SPG7: variants seen among roughly 807,000 people sequenced by gnomAD.
SPG7 encodes the protein mitochondrial inner membrane m-AAA protease component paraplegin.
A neutral mutation model predicts 81.9 loss-of-function variants in SPG7; 103 were observed. That is an observed-to-expected ratio of 1.26 (90% CI 1.07 to 1.48). The LOEUF is 1.48. Ranked by LOEUF, SPG7 falls within the 40% of genes most tolerant of loss-of-function variation. The probability of loss-of-function intolerance (pLI) is 0.00; values close to 1 mark genes in which losing one functional copy is unlikely to be tolerated. For synonymous variants in SPG7, 534 were observed against 444.2 expected (o/e 1.20, Z -2.54); for missense variants, 1,241 against 1,087.3 (o/e 1.14, Z -1.99).
intron 3 of SPG7, 96 bp downstream of exon 3, chr16:89,513,133 G>A: frequency 2.0e-6 from 3 of 1,518,856 alleles, no homozygotes; most frequent in Non-Finnish European, 2.7e-6. Context: ...CTGGAAAATG[G>A]GGAGATGGGC....
intron 16 of SPG7, chr16:89,555,971 C>T: frequency 2.5e-6 from 1 of 398,846 alleles, no homozygotes; most frequent in Non-Finnish European, 4.4e-6. Context: ...GTGGGCGGTG[C>T]CGTCCCCGGC....
chr16:89,556,088 A>G (rs6500430), intron 16 of SPG7: 10,423 of 398,788 alleles, frequency 0.026, 967 homozygotes, highest in African/African-American at 0.2. Flanking sequence ...AGCTGCAGGC[A>G]AGGCTTCTCA....
At chr16:89,508,807 G>T (rs1335645038) in intron 1 of SPG7, 2 of 703,010 alleles carry the variant, frequency 2.8e-6, no homozygotes, top group Non-Finnish European at 5.1e-6. Context: ...GAAGAGGCAG[G>T]GCTGGGATCC....
rs770487062 is a variant in SPG7, at chr16:89,510,540, G to T, written c.234G>T (p.Leu78Phe). 2.1e-5 allele frequency: 34 copies of T among 1,585,254 alleles called. No individual in the cohort carries two copies. The Admixed American group carries it at 5.6e-4, about 26-fold the overall frequency. Reference sequence around the variant, plus strand: ...CTACCTTTGAAGGGATCAACGGATTGTTGTTGAAACAACATTTAGTTCAGA... The same window carrying T: ...CTACCTTTGAAGGGATCAACGGATTTTTGTTGAAACAACATTTAGTTCAGA... ...LTPTFEGING[L>F]LLKQHLVQNP... Residue 78 changes from leucine (L) to phenylalanine (F), a missense_variant, in exon 2 of 17, where the codon TTG becomes TTT. Physicochemically the swap from Leu to Phe is conservative, Grantham distance 22. Transcript: ENST00000645818.
intron 9 of SPG7, among the ~76,000 whole-genome samples, chr16:89,534,097 C>T (rs1048096075): frequency 6.6e-6 from 1 of 152,162 alleles, no homozygotes; most frequent in African/African-American, 2.4e-5. Context: ...GTTGAGCAAC[C>T]GCCACCACCA....
Position 89,546,667 on chromosome 16 carries a change from G to C in SPG7, c.1459G>C (p.Glu487Gln). ...CCCCTGGTTCTGGCAGGAGAGGCGGGAGATTTTTGAGCAGCACCTGAAGAG... is the reference window on the plus strand; with the variant it reads ...CCCCTGGTTCTGGCAGGAGAGGCGGCAGATTTTTGAGCAGCACCTGAAGAG... ...IDLPTLQERR[E>Q]IFEQHLKSLK... Residue 487 changes from glutamate to glutamine, a missense_variant, in exon 11 of 17, where the codon GAG becomes CAG. Transcript: ENST00000645818. 1 of 1,612,942 alleles carries C rather than the reference G, an allele frequency of 6.2e-7. No individual in the cohort carries two copies. Among genetic ancestry groups the C allele is most frequent in the Non-Finnish European group, 8.5e-7 (1 of 1,179,008 alleles).
Position 89,557,055 on chromosome 16 carries a change from C to T in SPG7, c.2350C>T (p.Pro784Ser). 2 of 1,612,418 alleles carry T rather than the reference C, an allele frequency of 1.2e-6. No homozygotes were observed. Among genetic ancestry groups the T allele is most frequent in the Non-Finnish European group, 1.7e-6 (2 of 1,180,012 alleles). Reference sequence around the variant, plus strand: ...GGAGGAGACCGAAGAGACCCAGCAGCCTCCACTTGGAGGCGAAGAGCCGAC... The same window carrying T: ...GGAGGAGACCGAAGAGACCCAGCAGTCTCCACTTGGAGGCGAAGAGCCGAC... The part of the protein sequence containing the change: ...GEEETEETQQ[P>S]PLGGEEPTWP... Residue 784 changes from proline (P) to serine (S), a missense_variant, in exon 17 of 17, where the codon CCT (proline) becomes TCT (serine). Coordinates refer to ENST00000645818, the MANE Select transcript of SPG7 (RefSeq NM_003119.4).
At chr16:89,552,658 G>A (rs370177005) in intron 13 of SPG7, 153 of 388,114 alleles carry the variant, frequency 3.9e-4, no homozygotes, top group African/African-American at 3.0e-3. Context: ...AGGGGTCAGC[G>A]CAGCGGCCAT....
intron 2 of SPG7, among the ~76,000 whole-genome samples, chr16:89,512,654 G>A (rs1057094830): frequency 6.6e-5 from 10 of 152,156 alleles, no homozygotes; most frequent in South Asian, 2.1e-4. Context: ...AAAGGGATTC[G>A]TGATATTTTC....
intron 16 of SPG7, 137 bp from the exon 17 acceptor site, chr16:89,556,750 C>T (rs1301662078): frequency 2.6e-6 from 2 of 757,870 alleles, no homozygotes; most frequent in Non-Finnish European, 4.8e-6. Flanking sequence ...CTCCGTGCCT[C>T]CGCTTCCCTG....
At chr16:89,549,151 TA>T (rs1375262743) in intron 12 of SPG7, 2 of 456,590 alleles carry the variant, frequency 4.4e-6, no homozygotes, top group Non-Finnish European at 8.8e-6. Context: ...CATTTACTTT[TA>T]TGTGGAAATC....
At chr16:89,544,426 G>A in intron 9 of SPG7, 3 of 548,884 alleles carry the variant, frequency 5.5e-6, no homozygotes, top group Non-Finnish European at 6.7e-6. Context: ...CAGTTCTGCT[G>A]TTTGCACTTG....
At chr16:89,547,121 C>A in intron 11 of SPG7, 1 of 313,832 alleles carries the variant, frequency 3.2e-6, no homozygotes, top group Non-Finnish European at 6.2e-6. Flanking sequence ...CTGACCCTCA[C>A]GGTCTCTGTC....
At chr16:89,532,279 G>A (rs757978535) in intron 8 of SPG7, among the ~76,000 whole-genome samples, 184 bp from the exon 9 acceptor site, 5 of 152,244 alleles carry the variant, frequency 3.3e-5, no homozygotes, top group African/African-American at 7.2e-5. Flanking sequence ...GGGCCAGCAC[G>A]GTGCGTGTGA....
At chr16:89,546,570 G>GCC (rs2058566031) in intron 10 of SPG7, 88 bp from the exon 11 acceptor site, 1 of 921,950 alleles carries the variant, frequency 1.1e-6, no homozygotes, top group Non-Finnish European at 1.8e-6. Flanking sequence ...GCTACTTGGG[G>GCC]ACCCCCCCCC....
At chr16:89,524,701 T>C (rs1221497736) in intron 4 of SPG7, among the ~76,000 whole-genome samples, 3 of 152,160 alleles carry the variant, frequency 2.0e-5, no homozygotes, top group African/African-American at 4.8e-5. Context: ...CACCTTGACC[T>C]CCCAAAGTGC....
rs771073810 is a variant in SPG7 at position 89,546,693 on chromosome 16, C to T, written c.1485C>T (p.Ser495=). The T allele has an allele frequency of 1.2e-6, 2 of 1,613,758 alleles. No homozygotes were observed. The highest frequency in any genetic ancestry group is 1.7e-5 in the Admixed American group (1 of 60,006). ...AGATTTTTGAGCAGCACCTGAAGAG[C>T]CTGAAGCTGACCCAGTCCAGCACCT... is the stretch of plus-strand genomic sequence containing the variant. ...RREIFEQHLK[S]LKLTQSSTFY... Residue 495 remains serine (S), a synonymous_variant, in exon 11 of 17, where the codon AGC becomes AGT. Transcript: ENST00000645818.
intron 4 of SPG7, among the ~76,000 whole-genome samples, chr16:89,524,975 A>C (rs1443242320): frequency 9.1e-6 from 1 of 110,294 alleles, no homozygotes. Context: ...TTTTTTGGAG[A>C]CAGAGTCTCC....
Position 89,557,103 on chromosome 16 carries a change from G to GT in SPG7, c.*12dup, listed in dbSNP as rs1025924873. On this transcript the variant is annotated 3_prime_UTR_variant, in exon 17 of 17. Coordinates refer to ENST00000645818, the MANE Select transcript of SPG7 (RefSeq NM_003119.4). ...GACTTGGCCCAAGTAGTTGGGAGGTGTTGGCTGCACGTGCGGGTGGTCCGG... is the reference window on the plus strand; with the variant it reads ...GACTTGGCCCAAGTAGTTGGGAGGTGTTTGGCTGCACGTGCGGGTGGTCCGG... 5 of 1,609,016 alleles carry GT rather than the reference G, an allele frequency of 3.1e-6. No individual in the cohort carries two copies. In the African/African-American group the frequency reaches 6.7e-5, roughly 22 times the overall value.
Sources: gnomAD v4.1 joint callset for allele counts (sites outside exome capture counted in the v4.1 genomes callset) on GRCh38, gnomAD v4.1.1 for gene constraint, MANE v1.5 for transcripts, NCBI Gene and HGNC (gene_info 2026-07-23, HGNC 2026-07-21) for gene names.